Variants in JAK1 observed in about 807,000 individuals in gnomAD.
JAK1 encodes tyrosine-protein kinase JAK1.
Under a neutral mutation model 136.6 loss-of-function variants are expected in JAK1, and 16 were observed. That is an observed-to-expected ratio of 0.12 (90% CI 0.08 to 0.18). The LOEUF is 0.18. JAK1 is among the 10% of genes least tolerant of loss of function. The pLI is 1.00. For missense variants in JAK1, 859 were observed against 1,450.1 expected (o/e 0.59, Z 6.62); for synonymous variants, 492 against 519.5 (o/e 0.95, Z 0.72).
At chr1:64,891,168 A>G (rs1644930118) in intron 1 of JAK1, among the ~76,000 whole-genome samples, 1 of 152,122 alleles carries the variant, frequency 6.6e-6, no homozygotes, top group Non-Finnish European at 1.5e-5. Context: ...TCTACTAAGC[A>G]TTTCAATATC....
chr1:64,902,476 T>C (rs575078266), intron 1 of JAK1, among the ~76,000 whole-genome samples: 5 of 151,810 alleles, frequency 3.3e-5, no homozygotes, highest in Non-Finnish European at 7.4e-5. Context: ...AAAACCCCTA[T>C]GTACTATGCC....
At chr1:64,869,901 T>A (rs2101135362) in intron 5 of JAK1, among the ~76,000 whole-genome samples, 1 of 152,284 alleles carries the variant, frequency 6.6e-6, no homozygotes, top group African/African-American at 2.4e-5. Context: ...GGGCTCTCCC[T>A]CCATTCTGGT....
intron 3 of JAK1, among the ~76,000 whole-genome samples, chr1:64,882,157 G>A (rs1231977446): frequency 2.6e-5 from 4 of 152,264 alleles, no homozygotes; most frequent in South Asian, 2.1e-4. Context: ...AGCCTACTAC[G>A]CTCTTCCCCA....
intron 1 of JAK1, among the ~76,000 whole-genome samples, chr1:64,900,434 A>G (rs1258460370): frequency 6.8e-6 from 1 of 146,052 alleles, no homozygotes; most frequent in Admixed American, 6.8e-5. Flanking sequence ...CAGTAAGCAC[A>G]AGACTTAAGC....
chr1:65,027,551 GTT>G (rs540979499), intron 2 of JAK1, among the ~76,000 whole-genome samples: 167 of 152,280 alleles, frequency 1.1e-3, no homozygotes, highest in African/African-American at 3.7e-3. Flanking sequence ...AAAGCACTGG[GTT>G]GTAATAACTG....
chr1:64,947,208 GTTGT>G lies in JAK1; in HGVS notation c.-78+19121_-78+19124del, dbSNP rs755959278. 7.4e-5 allele frequency among the ~76,000 whole-genome samples: 11 copies of G among 148,606 alleles called. No homozygotes were observed. In the East Asian group the frequency reaches 7.7e-4, roughly 10 times the overall value. On this transcript the variant is annotated intron_variant, in intron 1 of 24. Coordinates refer to ENST00000342505, the MANE Select transcript of JAK1 (RefSeq NM_002227.4). ...AAATGGCTCACATGGTAAATTTTAT[GTTGT>G]TTATTTTCCACAACTTAAAAAAAAT...
intron 9 of JAK1, among the ~76,000 whole-genome samples, chr1:64,858,342 G>A (rs534633796): frequency 6.2e-4 from 95 of 152,296 alleles, no homozygotes; most frequent in African/African-American, 2.2e-3. Flanking sequence ...ATACATCCCT[G>A]CATGAGGTGA....
rs1293957402 is a variant in JAK1, at chr1:64,841,579, C to T, written c.2426G>A (p.Arg809Gln). ...ACATGATGGTGTCACTGGCCTGCAC[C>T]GGCTTTCATAGAATCTCTCTTTCTG... ...LIEKERFYES[R>Q]CRPVTPSCKE... The change falls in exon 18 of 25, where the codon CGG (arginine) becomes CAG (glutamine). Residue 809 changes from arginine (R) to glutamine (Q), a missense_variant. By Grantham distance (43) the Arg-to-Gln change is conservative (BLOSUM62 1). This residue lies in a region of JAK1 where 409 missense variants were observed against 753.8 expected (regional missense o/e 0.54). Coordinates refer to ENST00000342505, the MANE Select transcript of JAK1 (RefSeq NM_002227.4). The T allele has an allele frequency of 7.4e-6, 12 of 1,613,952 alleles. No homozygotes were observed. The highest frequency in any genetic ancestry group is 1.1e-5 in the South Asian group (1 of 91,086).
chr1:65,064,408 T>A (rs1647952937), intron 1 of JAK1, among the ~76,000 whole-genome samples: 1 of 152,220 alleles, frequency 6.6e-6, no homozygotes, highest in Admixed American at 6.5e-5. Context: ...AAAGTCATCT[T>A]ACAGCACCCA....
chr1:64,961,581 C>T (rs918306056), intron 1 of JAK1, among the ~76,000 whole-genome samples: 1 of 152,074 alleles, frequency 6.6e-6, no homozygotes, highest in African/African-American at 2.4e-5. Flanking sequence ...TACCTCCTTC[C>T]GCTCCCTCCC....
At chr1:64,970,526 C>A (rs1646442053), upstream of JAK1, among the ~76,000 whole-genome samples, 1 of 151,936 alleles carries the variant, frequency 6.6e-6, no homozygotes, top group East Asian at 1.9e-4. Context: ...GAGGCCAAGG[C>A]AGGTGGATCA....
At chr1:64,895,961 C>G (rs1309627162) in intron 1 of JAK1, among the ~76,000 whole-genome samples, 1 of 152,170 alleles carries the variant, frequency 6.6e-6, no homozygotes, top group Non-Finnish European at 1.5e-5. Context: ...CAACGGTTAT[C>G]GTAAATGAAG....
At chr1:64,930,444 G>A (rs1569581448) in intron 1 of JAK1, among the ~76,000 whole-genome samples, 5 of 152,032 alleles carry the variant, frequency 3.3e-5, no homozygotes, top group East Asian at 1.9e-4. Context: ...TCAAAACCAC[G>A]ATGAGATACC....
At chr1:64,887,478 T>C (rs959454496) in intron 1 of JAK1, among the ~76,000 whole-genome samples, 2 of 152,226 alleles carry the variant, frequency 1.3e-5, no homozygotes, top group African/African-American at 2.4e-5. Flanking sequence ...GATGCTATAC[T>C]TGTTGAAGAG....
At chr1:64,916,427 G>A (rs1010680186) in intron 1 of JAK1, among the ~76,000 whole-genome samples, 1 of 152,100 alleles carries the variant, frequency 6.6e-6, no homozygotes, top group African/African-American at 2.4e-5. Flanking sequence ...GTTTAGGGTG[G>A]TAACTGCACA....
At chr1:64,973,492 A>G (rs1470718367) in intron 2 of JAK1, among the ~76,000 whole-genome samples, 1 of 152,100 alleles carries the variant, frequency 6.6e-6, no homozygotes, top group Non-Finnish European at 1.5e-5. Context: ...ATTTAAACCT[A>G]TAAGATTTCA....
intron 14 of JAK1, 83 bp downstream of exon 14, chr1:64,846,566 G>C: frequency 1.0e-6 from 1 of 964,314 alleles, no homozygotes; most frequent in Non-Finnish European, 1.7e-6. Flanking sequence ...GGCAACGTGA[G>C]GGTGGGAAGA....
intron 1 of JAK1, among the ~76,000 whole-genome samples, chr1:64,940,828 G>T (rs185792504): frequency 6.6e-6 from 1 of 152,236 alleles, no homozygotes; most frequent in East Asian, 1.9e-4. Context: ...TTCAGTTCAA[G>T]AACAGAAAAA....
chr1:64,914,910 T>C (rs1311866623), intron 1 of JAK1, among the ~76,000 whole-genome samples: 1 of 152,178 alleles, frequency 6.6e-6, no homozygotes, highest in Non-Finnish European at 1.5e-5. Flanking sequence ...TATTGCAACT[T>C]GGGGAACGTG....
Sources: gnomAD v4.1 joint callset for allele counts (sites outside exome capture counted in the v4.1 genomes callset) on GRCh38, gnomAD v4.1.1 for gene constraint, gnomAD v4.1.1 regional missense constraint, MANE v1.5 for transcripts, NCBI Gene and HGNC (gene_info 2026-07-23, HGNC 2026-07-21) for gene names.